UBE2E2: variants seen among roughly 807,000 people sequenced by gnomAD.
UBE2E2 encodes the protein ubiquitin conjugating enzyme E2 E2.
A neutral mutation model predicts 24.7 loss-of-function variants in UBE2E2; 6 were observed. That is an observed-to-expected ratio of 0.24 (90% CI 0.13 to 0.48). UBE2E2 has a LOEUF of 0.48. Among genes scored for constraint, UBE2E2 ranks in the 20% least tolerant of loss-of-function variants. The pLI is 0.99. For synonymous variants in UBE2E2, 104 were observed against 83.6 expected (o/e 1.24, Z -1.33); for missense variants, 169 against 245.0 (o/e 0.69, Z 2.07).
intron 3 of UBE2E2, among the ~76,000 whole-genome samples, chr3:23,375,293 C>G (rs1397983929): frequency 6.6e-6 from 1 of 152,076 alleles, no homozygotes; most frequent in Non-Finnish European, 1.5e-5. Context: ...TTTGTGCTAA[C>G]CAAACTCACA....
chr3:23,247,960 A>G (rs1341245341), intron 3 of UBE2E2, among the ~76,000 whole-genome samples: 1 of 150,006 alleles, frequency 6.7e-6, no homozygotes, highest in Non-Finnish European at 1.5e-5. Context: ...AAAGAACGAT[A>G]ATATTACCAT....
At chr3:23,443,752 A>T (rs939405200) in intron 3 of UBE2E2, among the ~76,000 whole-genome samples, 2 of 152,220 alleles carry the variant, frequency 1.3e-5, no homozygotes. Flanking sequence ...GATGCATAAA[A>T]GATGCCCAGT....
chr3:23,527,613 T>C (rs1244252707), intron 4 of UBE2E2, among the ~76,000 whole-genome samples: 1 of 152,156 alleles, frequency 6.6e-6, no homozygotes, highest in African/African-American at 2.4e-5. Context: ...GTTGGAACTT[T>C]CAGCCCCTTT....
chr3:23,259,782 A>G (rs1415329292), intron 3 of UBE2E2, among the ~76,000 whole-genome samples: 2 of 152,214 alleles, frequency 1.3e-5, no homozygotes, highest in African/African-American at 4.8e-5. Context: ...ATTTTAAGGT[A>G]AGAGGACCCT....
At chr3:23,482,872 C>G (rs1021365055) in intron 3 of UBE2E2, among the ~76,000 whole-genome samples, 1 of 152,130 alleles carries the variant, frequency 6.6e-6, no homozygotes, top group Non-Finnish European at 1.5e-5. Flanking sequence ...CTTGATAAGC[C>G]TATCCAGAGA....
At chr3:23,545,509 A>G (rs1695501730) in intron 5 of UBE2E2, among the ~76,000 whole-genome samples, 1 of 152,228 alleles carries the variant, frequency 6.6e-6, no homozygotes, top group African/African-American at 2.4e-5. Context: ...GGGTAAGATC[A>G]TAGATTAACA....
intron 3 of UBE2E2, among the ~76,000 whole-genome samples, chr3:23,461,360 T>C (rs1698801453): frequency 6.6e-6 from 1 of 152,188 alleles, no homozygotes; most frequent in Non-Finnish European, 1.5e-5. Context: ...TCTTTGTCTT[T>C]AGTTTATTAA....
chr3:23,332,245 C>T (rs1477951752), intron 3 of UBE2E2, among the ~76,000 whole-genome samples: 3 of 151,954 alleles, frequency 2.0e-5, no homozygotes, highest in Non-Finnish European at 1.5e-5. Context: ...TCCTGGGCAT[C>T]GATCCTCCTA....
chr3:23,357,308 T>TA (rs1553605191), intron 3 of UBE2E2, among the ~76,000 whole-genome samples: 2 of 152,174 alleles, frequency 1.3e-5, no homozygotes, highest in Non-Finnish European at 1.5e-5. Context: ...GTGCTTTTTT[T>TA]AATCTACCCA....
chr3:23,304,155 C>G (rs1699180923), intron 3 of UBE2E2, among the ~76,000 whole-genome samples: 1 of 152,188 alleles, frequency 6.6e-6, no homozygotes, highest in African/African-American at 2.4e-5. Flanking sequence ...AAGATTAAAA[C>G]TAACCTTAGC....
At chr3:23,426,714 A>T (rs1475117710) in intron 3 of UBE2E2, among the ~76,000 whole-genome samples, 1 of 152,218 alleles carries the variant, frequency 6.6e-6, no homozygotes, top group Non-Finnish European at 1.5e-5. Flanking sequence ...TTGCCAGCAG[A>T]TCTGCTTTGC....
At chr3:23,563,387 A>G (rs1695983663) in intron 5 of UBE2E2, among the ~76,000 whole-genome samples, 1 of 152,104 alleles carries the variant, frequency 6.6e-6, no homozygotes, top group African/African-American at 2.4e-5. Flanking sequence ...GTTTTGAGTG[A>G]GTTTCTTAGT....
At chr3:23,330,516 A>G (rs1230665490) in intron 3 of UBE2E2, among the ~76,000 whole-genome samples, 4 of 152,346 alleles carry the variant, frequency 2.6e-5, no homozygotes, top group East Asian at 1.9e-4. Flanking sequence ...GGTCCACATT[A>G]TATATTGAAT....
chr3:23,547,209 G>A (rs888225876), intron 5 of UBE2E2, among the ~76,000 whole-genome samples: 2 of 152,138 alleles, frequency 1.3e-5, no homozygotes, highest in Admixed American at 1.3e-4. Context: ...AAGCAATCTC[G>A]TTCCAACAAT....
intron 1 of UBE2E2, among the ~76,000 whole-genome samples, chr3:23,207,131 G>A (rs1049519479): frequency 3.3e-5 from 5 of 152,098 alleles, no homozygotes; most frequent in Non-Finnish European, 7.4e-5. Flanking sequence ...TTAGAGTCTG[G>A]GCATGAGTTT....
intron 3 of UBE2E2, among the ~76,000 whole-genome samples, chr3:23,281,345 A>T (rs369148471): frequency 6.6e-6 from 1 of 152,366 alleles, no homozygotes; most frequent in African/African-American, 2.4e-5. Context: ...ATAAAGAAAT[A>T]ACGTGGCTGG....
intron 3 of UBE2E2, among the ~76,000 whole-genome samples, chr3:23,248,013 G>A (rs141212719): frequency 9.2e-5 from 14 of 152,324 alleles, no homozygotes; most frequent in African/African-American, 2.2e-4. Context: ...AGTCCGTTGC[G>A]TATACCAAGC....
chr3:23,431,284 A>G (rs1360983940), intron 3 of UBE2E2, among the ~76,000 whole-genome samples: 1 of 152,168 alleles, frequency 6.6e-6, no homozygotes, highest in African/African-American at 2.4e-5. Flanking sequence ...AGTCAGGAAG[A>G]TGAATCTGTT....
chr3:23,435,846 C>A (rs1698166539), intron 3 of UBE2E2, among the ~76,000 whole-genome samples: 1 of 152,096 alleles, frequency 6.6e-6, no homozygotes, highest in Non-Finnish European at 1.5e-5. Flanking sequence ...CGTCGGTGGT[C>A]CCCAACCTTT....
Sources: gnomAD v4.1 joint callset for allele counts (sites outside exome capture counted in the v4.1 genomes callset) on GRCh38, gnomAD v4.1.1 for gene constraint, MANE v1.5 for transcripts, NCBI Gene and HGNC (gene_info 2026-07-23, HGNC 2026-07-21) for gene names.